DIPK2A: variants seen among roughly 807,000 people sequenced by gnomAD.
The protein encoded by DIPK2A is Golgi Protein of 49 kDa.
In DIPK2A, 27 loss-of-function variants were observed where a neutral mutation model predicts 39.0. The observed-to-expected ratio is 0.69, with a 90% CI of 0.51 to 0.96. The LOEUF (loss-of-function observed/expected upper bound fraction) is 0.96, where lower values mean the gene tolerates loss of function less well. DIPK2A is among the 40% of genes least tolerant of loss of function. DIPK2A has a pLI of 0.00. For missense variants in DIPK2A, 528 were observed against 571.3 expected (o/e 0.92, Z 0.77); for synonymous variants, 298 against 240.8 (o/e 1.24, Z -2.20).
At position 143,989,900 on chromosome 3, in the gene DIPK2A, C is replaced by T. The variant is rs1461402832; in HGVS notation, c.*59C>T. 9.8e-6 allele frequency: 13 copies of T among 1,321,236 alleles called. No individual in the cohort carries two copies. The highest frequency in any genetic ancestry group is 1.4e-5 in the Non-Finnish European group (13 of 953,692). The allele number at this position is 1,321,236 out of a possible 1,614,324, so 81.8% of individuals were successfully genotyped here. ...AACAGCACTGGCTAAAACTAAACCA[C>T]CAAAAAACGATCTGAAAAAATGAAA... On this transcript the variant is annotated 3_prime_UTR_variant, in exon 3 of 3. Transcript: ENST00000315691.
intron 1 of DIPK2A, among the ~76,000 whole-genome samples, chr3:143,983,645 G>T (rs2087858226): frequency 6.6e-6 from 1 of 152,080 alleles, no homozygotes; most frequent in South Asian, 2.1e-4. Context: ...ACAATTAAAA[G>T]AACTGGAGAA....
chr3:143,987,006 T>C (rs2087912688), intron 2 of DIPK2A, among the ~76,000 whole-genome samples: 1 of 152,208 alleles, frequency 6.6e-6, no homozygotes, highest in Non-Finnish European at 1.5e-5. Flanking sequence ...GATCTTGGCA[T>C]GATCCTATTA....
intron 1 of DIPK2A, chr3:143,973,593 T>C (rs1431598988): frequency 1.3e-6 from 2 of 1,495,388 alleles, no homozygotes; most frequent in Non-Finnish European, 1.8e-6. Flanking sequence ...GAGCTTTGGG[T>C]GGGATTAGAA....
At chr3:143,982,767 A>G (rs988662126) in intron 1 of DIPK2A, among the ~76,000 whole-genome samples, 2 of 152,202 alleles carry the variant, frequency 1.3e-5, no homozygotes, top group South Asian at 4.1e-4. Flanking sequence ...TTAAATGTAA[A>G]TTGGCTAAAT....
intron 1 of DIPK2A, among the ~76,000 whole-genome samples, chr3:143,982,878 A>G (rs2087844854): frequency 6.6e-6 from 1 of 151,916 alleles, no homozygotes; most frequent in South Asian, 2.1e-4. Flanking sequence ...CACATGAAAC[A>G]TTTACCAAGC....
At chr3:143,978,690 A>C (rs149497603) in intron 1 of DIPK2A, among the ~76,000 whole-genome samples, 5,198 of 136,228 alleles carry the variant, frequency 0.038, 418 homozygotes, top group African/African-American at 0.14. Context: ...ATCTATATAT[A>C]TATATATATA....
At chr3:143,979,803 A>G (rs1370362270) in intron 1 of DIPK2A, among the ~76,000 whole-genome samples, 1 of 152,170 alleles carries the variant, frequency 6.6e-6, no homozygotes, top group Non-Finnish European at 1.5e-5. Context: ...CCAATTTTAG[A>G]TACAGCTGTT....
At position 143,972,513 on chromosome 3, in the gene DIPK2A, A is replaced by C. The variant is rs759544154; in HGVS notation, c.181A>C (p.Thr61Pro). 2 of 1,611,106 alleles carry C rather than the reference A, an allele frequency of 1.2e-6. No individual in the cohort carries two copies. Among genetic ancestry groups the C allele is most frequent in the Admixed American group, 1.7e-5 (1 of 59,892 alleles). ...CAATAAGTGCCCGGCGTGCTTCGGC[A>C]CGAGCTGGTGCCGCCGCTTCCTCAA... ...QLNKCPACFG[T>P]SWCRRFLNGQ... Residue 61 changes from threonine (T) to proline (P), a missense_variant, in exon 1 of 3, where the codon ACG (threonine) becomes CCG (proline). This residue lies in a region of DIPK2A where 309 missense variants were observed against 289.8 expected (regional missense o/e 1.07). Coordinates refer to ENST00000315691, the MANE Select transcript of DIPK2A (RefSeq NM_173552.5).
At chr3:143,978,761 A>G (rs76723797) in intron 1 of DIPK2A, among the ~76,000 whole-genome samples, 8,452 of 149,270 alleles carry the variant, frequency 0.057, 463 homozygotes, top group East Asian at 0.2. Flanking sequence ...GGTACCAGGG[A>G]AAGTTTCAGA....
intron 1 of DIPK2A, among the ~76,000 whole-genome samples, chr3:143,978,698 A>G (rs1375979124): frequency 7.1e-6 from 1 of 140,412 alleles, no homozygotes; most frequent in Non-Finnish European, 1.5e-5. Context: ...ATATATATAT[A>G]TATACTGTCA....
At chr3:143,981,499 T>C (rs550112531) in intron 1 of DIPK2A, among the ~76,000 whole-genome samples, 1 of 152,318 alleles carries the variant, frequency 6.6e-6, no homozygotes, top group South Asian at 2.1e-4. Flanking sequence ...GTCTGCTTAA[T>C]ATTAAACTCA....
In DIPK2A at chr3:143,978,661, TATATATAG is replaced by T. The variant is rs1462510624; in HGVS notation, c.657+5680_657+5687del. The T allele has an allele frequency of 1.7e-4, 9 of 51,698 alleles. 1 individual carries two copies. Among genetic ancestry groups the T allele is most frequent in the African/African-American group, 1.3e-3 (9 of 7,062 alleles). The allele number at this position is 51,698 out of a possible 1,614,324, so 3.2% of individuals were successfully genotyped here. A position where few individuals can be genotyped will look rare whatever the true frequency, so the allele number is the denominator to read the frequency against. ...ATATCTATATATATATATATATATC[TATATATAG>T]ATATATATATATCTATATATATATA... On this transcript the variant is annotated intron_variant, in intron 1 of 2. Coordinates refer to ENST00000315691, the MANE Select transcript of DIPK2A (RefSeq NM_173552.5).
At chr3:143,974,812 T>C (rs1019832146) in intron 1 of DIPK2A, among the ~76,000 whole-genome samples, 4 of 152,294 alleles carry the variant, frequency 2.6e-5, no homozygotes, top group East Asian at 1.9e-4. Context: ...AGTCATAGCA[T>C]TGAATTTGAG....
intron 1 of DIPK2A, chr3:143,978,323 G>A (rs969302762): frequency 5.9e-5 from 9 of 152,274 alleles, no homozygotes; most frequent in African/African-American, 2.2e-4. Flanking sequence ...GTAAATGGTT[G>A]TAACATGACT....
rs200035408 is a variant in DIPK2A at position 143,985,858 on chromosome 3, A to T, written c.961+12A>T. 84 of 1,573,614 alleles carry T rather than the reference A, an allele frequency of 5.3e-5. No homozygotes were observed. The highest frequency in any genetic ancestry group is 6.9e-5 in the Non-Finnish European group (80 of 1,160,642). ...ATTAATTAGACAAAGTAAGTATATA[A>T]TTTTAGATTTTTTTCTACTCATTTT... On this transcript the variant is annotated intron_variant, in intron 2 of 2. Transcript: ENST00000315691.
At chr3:143,979,215 T>C (rs2087792939) in intron 1 of DIPK2A, among the ~76,000 whole-genome samples, 1 of 152,154 alleles carries the variant, frequency 6.6e-6, no homozygotes, top group African/African-American at 2.4e-5. Context: ...ATTCAGGCTA[T>C]AGTTTTTTAA....
Position 143,985,858 on chromosome 3 carries a change from A to G in DIPK2A, c.961+12A>G. On this transcript the variant is annotated intron_variant, in intron 2 of 2. Coordinates refer to ENST00000315691, the MANE Select transcript of DIPK2A (RefSeq NM_173552.5). ...ATTAATTAGACAAAGTAAGTATATA[A>G]TTTTAGATTTTTTTCTACTCATTTT... 1 of 1,573,732 alleles carries G rather than the reference A, an allele frequency of 6.4e-7. No homozygotes were observed. Among genetic ancestry groups the G allele is most frequent in the Non-Finnish European group, 8.6e-7 (1 of 1,160,634 alleles).
intron 1 of DIPK2A, chr3:143,978,647 T>TAGATATATATATATCTATATATAG (rs1428975017): frequency 1.9e-4 from 8 of 42,766 alleles, no homozygotes; most frequent in Non-Finnish European, 3.2e-4. Flanking sequence ...TATCTATATA[T>TAGATATATATATATCTATATATAG]ATATATATAT....
chr3:143,976,846 A>T (rs186389484), intron 1 of DIPK2A, among the ~76,000 whole-genome samples: 81 of 152,180 alleles, frequency 5.3e-4, no homozygotes, highest in Admixed American at 5.3e-3. Context: ...TAAATGATAT[A>T]ATACATGCAA....
Sources: gnomAD v4.1 joint callset for allele counts (sites outside exome capture counted in the v4.1 genomes callset) on GRCh38, gnomAD v4.1.1 for gene constraint, gnomAD v4.1.1 regional missense constraint, MANE v1.5 for transcripts, NCBI Gene and HGNC (gene_info 2026-07-23, HGNC 2026-07-21) for gene names.